ZNF333: variants seen among roughly 807,000 people sequenced by gnomAD.
ZNF333 encodes zinc finger protein 333.
ZNF333 carries 61 observed loss-of-function variants against 76.1 expected under a neutral mutation model. The ratio of observed to expected loss-of-function variants is 0.80; its 90% CI spans 0.65 to 0.99. The LOEUF (loss-of-function observed/expected upper bound fraction) is 0.99. ZNF333 is among the 50% of genes least tolerant of loss of function. The pLI, the probability that ZNF333 is intolerant of heterozygous loss-of-function variation, is 0.00. For missense variants in ZNF333, 717 were observed against 822.4 expected, an observed-to-expected ratio of 0.87 and a Z score of 1.57; for synonymous variants, 284 against 305.0, an observed-to-expected ratio of 0.93 and a Z score of 0.72.
At chr19:14,714,380 G>A (rs754316881) in intron 7 of ZNF333, among the ~76,000 whole-genome samples, 56 of 152,094 alleles carry the variant, frequency 3.7e-4, no homozygotes, top group Non-Finnish European at 7.2e-4. Flanking sequence ...TGCGACGGTG[G>A]AGGCAGACAT....
chr19:14,703,213 A>C (rs1450138570), intron 5 of ZNF333, among the ~76,000 whole-genome samples: 2 of 151,746 alleles, frequency 1.3e-5, no homozygotes, highest in African/African-American at 2.4e-5. Flanking sequence ...AAAAAAAAAA[A>C]AAAAAAAAAC....
At chr19:14,690,350 C>T (rs1368585334) in intron 1 of ZNF333, among the ~76,000 whole-genome samples, 200 bp downstream of exon 1, 2 of 152,338 alleles carry the variant, frequency 1.3e-5, no homozygotes, top group East Asian at 1.9e-4. Context: ...AGGTACCCCC[C>T]GTCCGGGCAG....
intron 4 of ZNF333, among the ~76,000 whole-genome samples, chr19:14,696,306 G>A (rs528131669): frequency 2.6e-5 from 4 of 151,998 alleles, no homozygotes; most frequent in African/African-American, 4.8e-5. Context: ...TTTTCATCAC[G>A]CCAAGTAGAA....
intron 7 of ZNF333, chr19:14,708,048 C>A (rs1368148023): frequency 2.5e-6 from 1 of 396,548 alleles, no homozygotes; most frequent in Non-Finnish European, 4.5e-6. Context: ...CGCTCTGTCA[C>A]CTGGGCTGGA....
Position 14,718,810 on chromosome 19 carries a change from ACACATCT to A in ZNF333, c.1484_1490del (p.Thr495SerfsTer25). The stretch of plus-strand genomic sequence containing the variant: ...CTTCAGGGAACACTCTTCACTGAAG[ACACATCT>A]GCGAACCCATACCAGAGAGAAACCA... On this transcript the variant is annotated frameshift_variant, in exon 12 of 12. Transcript: ENST00000292530. LOFTEE classifies it high-confidence loss of function. The A allele has an allele frequency of 6.2e-7, 1 of 1,614,026 alleles. No individual in the cohort carries two copies. The highest frequency in any genetic ancestry group is 8.5e-7 in the Non-Finnish European group (1 of 1,179,988).
intron 1 of ZNF333, among the ~76,000 whole-genome samples, chr19:14,691,664 G>T (rs1435469381): frequency 6.2e-5 from 9 of 144,618 alleles, no homozygotes; most frequent in Non-Finnish European, 1.2e-4. Flanking sequence ...GATTTTTATG[G>T]TGTCATATTG....
At chr19:14,694,483 G>A (rs7255127) in intron 2 of ZNF333, among the ~76,000 whole-genome samples, 2 of 149,268 alleles carry the variant, frequency 1.3e-5, no homozygotes, top group South Asian at 2.1e-4. Flanking sequence ...AAAAAAAAAA[G>A]AAAAAAAGAA....
In ZNF333 at chr19:14,718,997, C is replaced by A. The variant is rs762996071; in HGVS notation, c.1670C>A (p.Thr557Asn). The part of the protein sequence containing the change: ...STLKSHMRTH[T>N]GEKPYVCQEC... ...CTGAAGAGTCACATGCGAACTCACA[C>A]TGGAGAGAAGCCCTATGTGTGCCAG... The change falls in exon 12 of 12, where the codon ACT becomes AAT. Residue 557 changes from threonine (T) to asparagine (N), a missense_variant. Thr to Asn is a moderately conservative substitution (Grantham distance 65). Transcript: ENST00000292530. 3.7e-6 allele frequency: 6 copies of A among 1,614,076 alleles called. No individual in the cohort carries two copies. Among genetic ancestry groups the A allele is most frequent in the Non-Finnish European group, 4.2e-6 (5 of 1,180,052 alleles).
At chr19:14,732,890 T>G (rs550414225) in exon 12 of ZNF333, 1 of 152,244 alleles carries the variant, frequency 6.6e-6, no homozygotes, top group Non-Finnish European at 1.5e-5. Context: ...ATTGAGTTGC[T>G]GTAAATACCT....
chr19:14,729,870 C>T (rs952873019), intron 11 of ZNF333, among the ~76,000 whole-genome samples: 1 of 152,154 alleles, frequency 6.6e-6, no homozygotes, highest in Non-Finnish European at 1.5e-5. Flanking sequence ...TCATGTTGCT[C>T]TTGATAAATA....
At chr19:14,690,326 G>C (rs939643262) in intron 1 of ZNF333, among the ~76,000 whole-genome samples, 176 bp downstream of exon 1, 1 of 152,334 alleles carries the variant, frequency 6.6e-6, no homozygotes, top group Admixed American at 6.5e-5. Context: ...CCCGCCGCCC[G>C]GTCTCTCGCT....
In ZNF333 at chr19:14,699,292, CG is replaced by C; in HGVS notation, c.306+15del. On this transcript the variant is annotated intron_variant, in intron 5 of 11. Transcript: ENST00000292530. Reference sequence around the variant, plus strand: ...AGGGACATGCAAATGGTAAGATGCACGGGGTTTTCCCCGGCTCCCAGCATGG... The same window carrying C: ...AGGGACATGCAAATGGTAAGATGCACGGGTTTTCCCCGGCTCCCAGCATGG... The C allele has an allele frequency of 3.7e-6, 6 of 1,612,228 alleles. No homozygotes were observed. The highest frequency in any genetic ancestry group is 5.1e-6 in the Non-Finnish European group (6 of 1,178,560).
At chr19:14,717,953 C>T (rs2042483908) in intron 11 of ZNF333, among the ~76,000 whole-genome samples, 1 of 152,176 alleles carries the variant, frequency 6.6e-6, no homozygotes, top group Non-Finnish European at 1.5e-5. Context: ...ACAGATATGA[C>T]ACATACAAAG....
At chr19:14,716,334 C>T in intron 9 of ZNF333, 96 bp downstream of exon 9, 1 of 1,406,708 alleles carries the variant, frequency 7.1e-7, no homozygotes, top group Non-Finnish European at 9.6e-7. Context: ...CCTTGGCTCA[C>T]TGCAACCTCC....
At chr19:14,697,475 C>T (rs1973302074) in intron 4 of ZNF333, among the ~76,000 whole-genome samples, 1 of 151,218 alleles carries the variant, frequency 6.6e-6, no homozygotes, top group African/African-American at 2.4e-5. Flanking sequence ...AATCCTCCCA[C>T]CTCAGTCTCT....
At chr19:14,733,590 CA>C (rs59229447) in exon 12 of ZNF333, 34,011 of 151,696 alleles carry the variant, frequency 0.22, 4,040 homozygotes, top group Non-Finnish European at 0.26. Flanking sequence ...ATAAGCACAA[CA>C]AAAAAAACAC....
chr19:14,710,470 A>G (rs2042243468), intron 7 of ZNF333, among the ~76,000 whole-genome samples: 2 of 152,186 alleles, frequency 1.3e-5, no homozygotes, highest in Non-Finnish European at 2.9e-5. Context: ...CCAGAAGTGG[A>G]TATGAAGCAG....
chr19:14,706,886 T>A, intron 7 of ZNF333, 113 bp downstream of exon 7: 1 of 864,310 alleles, frequency 1.2e-6, no homozygotes, highest in Non-Finnish European at 1.8e-6. Context: ...GGCACTGCCG[T>A]GGCACCATAG....
Position 14,729,190 on chromosome 19 carries a change from G to A in ZNF333, c.901-1985G>A, listed in dbSNP as rs528964886. On this transcript the variant is annotated intron_variant, in intron 11 of 11. Transcript: ENST00000540689. ...CAGACTGAACCTTTGAAGAGAAACCGAGAGATTCATTGCATCCTACAGTCA... is the reference window on the plus strand; with the variant it reads ...CAGACTGAACCTTTGAAGAGAAACCAAGAGATTCATTGCATCCTACAGTCA... Among the ~76,000 whole-genome samples the A allele has an allele frequency of 5.3e-5, 8 of 152,274 alleles. 1 individual carries two copies. In the South Asian group the frequency reaches 1.7e-3, roughly 32 times the overall value.
Sources: allele counts gnomAD v4.1 joint callset (sites outside exome capture counted in the v4.1 genomes callset), GRCh38; gene constraint gnomAD v4.1.1; transcripts MANE v1.5; gene names NCBI Gene and HGNC (gene_info 2026-07-23, HGNC 2026-07-21).